KIF5B: variants seen among roughly 807,000 people sequenced by gnomAD.
The protein encoded by KIF5B is kinesin-1 heavy chain.
In KIF5B, 49 loss-of-function variants were observed where a neutral mutation model predicts 132.8. That is an observed-to-expected ratio of 0.37 (90% CI 0.29 to 0.47). The LOEUF is 0.47. Among genes scored for constraint, KIF5B ranks in the 20% least tolerant of loss-of-function variants. KIF5B has a pLI of 1.00. For missense variants in KIF5B, 780 were observed against 1,144.0 expected (o/e 0.68, Z 4.59); for synonymous variants, 355 against 369.4 (o/e 0.96, Z 0.45).
intron 20 of KIF5B, among the ~76,000 whole-genome samples, chr10:32,018,781 C>G (rs1841216777): frequency 6.6e-6 from 1 of 151,602 alleles, no homozygotes; most frequent in Non-Finnish European, 1.5e-5. Context: ...CTCACTGCAA[C>G]CTCAACCTCC....
At chr10:32,015,484 GAA>G (rs1841146079) in intron 25 of KIF5B, 23 bp downstream of exon 25, 2 of 1,488,624 alleles carry the variant, frequency 1.3e-6, no homozygotes, top group Non-Finnish European at 1.8e-6. Context: ...AAACAGATAT[GAA>G]AAGCCAGATA....
intron 2 of KIF5B, among the ~76,000 whole-genome samples, chr10:32,042,698 T>C (rs1454238436): frequency 6.6e-6 from 1 of 152,180 alleles, no homozygotes; most frequent in East Asian, 1.9e-4. Flanking sequence ...GCCATTCCTA[T>C]GAGAAACAGA....
chr10:32,013,360 A>T (rs556527137), intron 25 of KIF5B, among the ~76,000 whole-genome samples: 2 of 152,244 alleles, frequency 1.3e-5, no homozygotes, highest in Non-Finnish European at 2.9e-5. Flanking sequence ...TTTGTCAAAA[A>T]TGTTTATGCT....
chr10:32,018,083 T>C lies in KIF5B; in HGVS notation c.2513A>G (p.Asn838Ser), dbSNP rs1348649183. Reference protein sequence around the residue: ...QKQKISFLENNLEQLTKVHKQ... With the variant: ...QKQKISFLENSLEQLTKVHKQ... Reference sequence around the variant, plus strand: ...GTGCACTTTAGTGAGCTGTTCAAGATTATTTTCAAGAAAGGAGATTTTTTG... The same window carrying C: ...GTGCACTTTAGTGAGCTGTTCAAGACTATTTTCAAGAAAGGAGATTTTTTG... Residue 838 changes from asparagine (N) to serine (S), a missense_variant, in exon 23 of 26, where the codon AAT (asparagine) becomes AGT (serine). Asn to Ser is a conservative substitution (Grantham distance 46, BLOSUM62 1). Coordinates refer to ENST00000302418, the MANE Select transcript of KIF5B (RefSeq NM_004521.3). The C allele has an allele frequency of 6.2e-6, 10 of 1,610,306 alleles. No individual in the cohort carries two copies. The highest frequency in any genetic ancestry group is 8.5e-6 in the Non-Finnish European group (10 of 1,176,880).
intron 22 of KIF5B, 39 bp from the exon 23 acceptor site, chr10:32,018,195 A>C: frequency 1.3e-6 from 2 of 1,517,440 alleles, no homozygotes; most frequent in South Asian, 1.2e-5. Flanking sequence ...AAATTAAAAA[A>C]AACTAAGCTT....
chr10:32,011,488 C>G lies in KIF5B; in HGVS notation c.*49G>C, dbSNP rs1564460422. Reference sequence around the variant, plus strand: ...TTGAATGACTGCTTGATACCATGTCCTCTTCGTACTTCGATTACTTTTTAA... The same window carrying G: ...TTGAATGACTGCTTGATACCATGTCGTCTTCGTACTTCGATTACTTTTTAA... On this transcript the variant is annotated 3_prime_UTR_variant, in exon 26 of 26. Coordinates refer to ENST00000302418, the MANE Select transcript of KIF5B (RefSeq NM_004521.3). 2.0e-5 allele frequency: 3 copies of G among 152,288 alleles called. No individual in the cohort carries two copies. Among genetic ancestry groups the G allele is most frequent in the African/African-American group, 7.2e-5 (3 of 41,418 alleles). The allele number at this position is 152,288 out of a possible 1,614,324, so 9.4% of individuals were successfully genotyped here. A position where few individuals can be genotyped will look rare whatever the true frequency, so the allele number is the denominator to read the frequency against.
chr10:32,056,225 G>C lies in KIF5B; in HGVS notation c.-252C>G. 1 of 470,518 alleles carries C rather than the reference G, an allele frequency of 2.1e-6. No individual in the cohort carries two copies. The highest frequency in any genetic ancestry group is 3.7e-6 in the Non-Finnish European group (1 of 268,336). The allele number at this position is 470,518 out of a possible 1,614,324, so 29.1% of individuals were successfully genotyped here. On this transcript the variant is annotated 5_prime_UTR_variant, in exon 1 of 26. Transcript: ENST00000302418. ...TGGCGGCGGCAGCGGCGGCGGCACC[G>C]GGGAGAGCGTCCGCGGCTCCTCAGC...
intron 1 of KIF5B, among the ~76,000 whole-genome samples, chr10:32,053,729 C>CAA (rs34020073): frequency 0.11 from 13,881 of 129,950 alleles, 751 homozygotes; most frequent in Middle Eastern, 0.14. Flanking sequence ...AAAAATATCT[C>CAA]AAAAAAAAAA....
chr10:32,031,021 T>C, intron 14 of KIF5B, 52 bp downstream of exon 14: 1 of 1,307,488 alleles, frequency 7.6e-7, no homozygotes, highest in South Asian at 1.3e-5. Context: ...AGTTTTTAGG[T>C]TAAGAATACT....
chr10:32,019,794 G>T, intron 20 of KIF5B, 64 bp downstream of exon 20: 2 of 1,107,744 alleles, frequency 1.8e-6, no homozygotes, highest in Non-Finnish European at 2.7e-6. Context: ...ATATCCAAAG[G>T]TAATGCCTAT....
chr10:32,045,541 C>T (rs186406651), intron 2 of KIF5B, among the ~76,000 whole-genome samples: 12 of 152,148 alleles, frequency 7.9e-5, no homozygotes, highest in Non-Finnish European at 1.3e-4. Flanking sequence ...AGGAGGATTA[C>T]GTTCCAGGGA....
At position 32,031,087 on chromosome 10, in the gene KIF5B, A is replaced by G; in HGVS notation, c.1567T>C (p.Leu523=). ...CTATATCCTACCGATTTCTGATTCA[A>G]TTCATCACTAAGCAATTCATATTCC... The part of the protein sequence containing the change: ...TKEYELLSDE[L]NQKSATLASI... The change falls in exon 14 of 26, where the codon TTG becomes CTG. Residue 523 remains leucine, a synonymous_variant. Transcript: ENST00000302418. 2 of 1,611,404 alleles carry G rather than the reference A, an allele frequency of 1.2e-6. No individual in the cohort carries two copies. Among genetic ancestry groups the G allele is most frequent in the South Asian group, 1.1e-5 (1 of 91,008 alleles).
At chr10:32,017,444 A>G (rs943826095) in intron 23 of KIF5B, 85 bp from the exon 24 acceptor site, 2 of 998,120 alleles carry the variant, frequency 2.0e-6, no homozygotes, top group African/African-American at 3.3e-5. Context: ...GCTCTTTAGA[A>G]AAGTAAAACT....
chr10:32,034,846 A>G lies in KIF5B; in HGVS notation c.963-8T>C, dbSNP rs1163324755. On this transcript the variant is annotated splice_region_variant and splice_polypyrimidine_tract_variant and intron_variant, in intron 10 of 25. Coordinates refer to ENST00000302418, the MANE Select transcript of KIF5B (RefSeq NM_004521.3). ...TTCTTAATTGTTTTGGCCCTAAGAGATGTAATTGGAGGAAAAAAAGGATGA... is the reference window on the plus strand; with the variant it reads ...TTCTTAATTGTTTTGGCCCTAAGAGGTGTAATTGGAGGAAAAAAAGGATGA... The G allele has an allele frequency of 3.2e-6, 5 of 1,560,688 alleles. No homozygotes were observed. In the African/African-American group the frequency reaches 7.0e-5, roughly 22 times the overall value.
chr10:32,013,730 C>T (rs936002486), intron 25 of KIF5B, among the ~76,000 whole-genome samples: 5 of 151,980 alleles, frequency 3.3e-5, no homozygotes, highest in African/African-American at 1.2e-4. Flanking sequence ...AATAGTTAAG[C>T]AATAAATCCA....
Position 32,035,536 on chromosome 10 carries a change from G to C in KIF5B, c.948C>G (p.Leu316=), listed in dbSNP as rs200787301. The change falls in exon 10 of 26, where the codon CTC becomes CTG. Residue 316 remains leucine, a synonymous_variant. Transcript: ENST00000302418. ...TAACAACAAACCTTTGGCCAAATAA[G>C]AGTGTAGATTTTGTTTCAGACTCAT... ...SYNESETKST[L]LFGQRAKTIK... is the part of the protein sequence containing the mutation. 1.2e-6 allele frequency: 2 copies of C among 1,611,254 alleles called. No homozygotes were observed. Among genetic ancestry groups the C allele is most frequent in the Admixed American group, 1.7e-5 (1 of 59,534 alleles).
At chr10:32,023,467 C>A (rs1201482766) in intron 15 of KIF5B, among the ~76,000 whole-genome samples, 1 of 152,114 alleles carries the variant, frequency 6.6e-6, no homozygotes, top group African/African-American at 2.4e-5. Flanking sequence ...TAAGCTCAAC[C>A]AGAAGGAATT....
intron 20 of KIF5B, among the ~76,000 whole-genome samples, 168 bp from the exon 21 acceptor site, chr10:32,018,730 A>AAT (rs879403993): frequency 2.1e-4 from 31 of 147,774 alleles, no homozygotes; most frequent in Non-Finnish European, 2.4e-4. Context: ...CAAAAAAAAA[A>AAT]TTTTTTTTTT....
At chr10:32,055,478 A>G (rs1181422280) in intron 1 of KIF5B, among the ~76,000 whole-genome samples, 3 of 152,020 alleles carry the variant, frequency 2.0e-5, no homozygotes, top group Non-Finnish European at 2.9e-5. Flanking sequence ...CTGAATGGCA[A>G]ATTTGGGGTT....
Sources: allele counts gnomAD v4.1 joint callset (sites outside exome capture counted in the v4.1 genomes callset), GRCh38; gene constraint gnomAD v4.1.1; transcripts MANE v1.5; gene names NCBI Gene and HGNC (gene_info 2026-07-23, HGNC 2026-07-21).